The following ME3 variants were observed in gnomAD, a reference collection of about 807,000 sequenced individuals.
ME3 encodes the protein NADP-dependent malic enzyme, mitochondrial.
Under a neutral mutation model 68.9 loss-of-function variants are expected in ME3, and 48 were observed. The observed-to-expected ratio is 0.70, with a 90% CI of 0.55 to 0.89. ME3 has a LOEUF of 0.89. Among genes scored for constraint, ME3 ranks in the 40% least tolerant of loss-of-function variants. The pLI, the probability that ME3 is intolerant of heterozygous loss-of-function variation, is 0.00. For missense variants in ME3, 675 were observed against 797.4 expected (o/e 0.85, Z 1.85); for synonymous variants, 320 against 318.8 (o/e 1.00, Z -0.04).
chr11:86,475,348 C>T (rs973765052), intron 7 of ME3, among the ~76,000 whole-genome samples: 1 of 152,202 alleles, frequency 6.6e-6, no homozygotes, highest in Non-Finnish European at 1.5e-5. Flanking sequence ...TTGCCTTCTG[C>T]CATGATTGTA....
At chr11:86,456,642 C>T (rs757056491) in intron 8 of ME3, among the ~76,000 whole-genome samples, 6 of 152,016 alleles carry the variant, frequency 3.9e-5, no homozygotes, top group South Asian at 2.1e-4. Flanking sequence ...TGGGGAAGGA[C>T]GGAGCAGGGT....
intron 4 of ME3, among the ~76,000 whole-genome samples, chr11:86,526,641 C>A (rs982368067): frequency 6.6e-6 from 1 of 152,316 alleles, no homozygotes; most frequent in South Asian, 2.1e-4. Flanking sequence ...TGACACCTCA[C>A]ATGGCTGGGT....
At chr11:86,655,252 A>C (rs1433435197) in intron 2 of ME3, among the ~76,000 whole-genome samples, 1 of 152,162 alleles carries the variant, frequency 6.6e-6, no homozygotes, top group Non-Finnish European at 1.5e-5. Context: ...AACTACTTTA[A>C]AGTTCATATG....
intron 2 of ME3, among the ~76,000 whole-genome samples, chr11:86,564,604 A>G (rs1957392795): frequency 6.6e-6 from 1 of 152,204 alleles, no homozygotes; most frequent in South Asian, 2.1e-4. Context: ...AATGGGGGAA[A>G]GAATAGTCTC....
chr11:86,528,636 C>A (rs1294431253), intron 4 of ME3, among the ~76,000 whole-genome samples: 2 of 152,054 alleles, frequency 1.3e-5, no homozygotes, highest in African/African-American at 2.4e-5. Flanking sequence ...TGTAAAAGAA[C>A]AGAAATTATA....
intron 8 of ME3, 73 bp from the exon 9 acceptor site, chr11:86,450,471 T>A: frequency 7.8e-7 from 1 of 1,278,364 alleles, no homozygotes; most frequent in South Asian, 1.2e-5. Flanking sequence ...CTTGGCAGAG[T>A]TCCCCACATC....
chr11:86,546,190 A>G (rs929148458), intron 4 of ME3, among the ~76,000 whole-genome samples: 1 of 152,206 alleles, frequency 6.6e-6, no homozygotes, highest in African/African-American at 2.4e-5. Context: ...ACTTAAACGT[A>G]AGACCTAAAA....
At chr11:86,671,470 A>G (rs750882731) in intron 2 of ME3, among the ~76,000 whole-genome samples, 8 of 152,208 alleles carry the variant, frequency 5.3e-5, no homozygotes, top group Non-Finnish European at 1.0e-4. Flanking sequence ...AGTAAGCATC[A>G]AGGGGAGAGC....
At chr11:86,517,281 C>T (rs552823452) in intron 4 of ME3, among the ~76,000 whole-genome samples, 11 of 152,188 alleles carry the variant, frequency 7.2e-5, no homozygotes, top group African/African-American at 2.6e-4. Flanking sequence ...TTCTCTTTTT[C>T]TTTTTGCCAC....
intron 2 of ME3, among the ~76,000 whole-genome samples, chr11:86,562,253 T>C (rs1402767426): frequency 6.6e-6 from 1 of 152,212 alleles, no homozygotes; most frequent in Admixed American, 6.5e-5. Context: ...TTGAATAACA[T>C]TCCACTGTAC....
intron 4 of ME3, among the ~76,000 whole-genome samples, chr11:86,529,581 T>C (rs1308440903): frequency 6.6e-6 from 1 of 152,214 alleles, no homozygotes; most frequent in Non-Finnish European, 1.5e-5. Flanking sequence ...CCAATATCCC[T>C]GATGAACATC....
chr11:86,631,263 A>C (rs1375307371), intron 2 of ME3, among the ~76,000 whole-genome samples: 1 of 152,240 alleles, frequency 6.6e-6, no homozygotes. Flanking sequence ...TCTGAAGCCC[A>C]GTGGTCACAG....
At chr11:86,665,626 A>C (rs553662859) in intron 2 of ME3, among the ~76,000 whole-genome samples, 1 of 152,330 alleles carries the variant, frequency 6.6e-6, no homozygotes, top group Non-Finnish European at 1.5e-5. Context: ...TAGTTTTAAA[A>C]AAAAATCACC....
At chr11:86,520,018 A>G (rs1954158427) in intron 4 of ME3, among the ~76,000 whole-genome samples, 1 of 152,186 alleles carries the variant, frequency 6.6e-6, no homozygotes, top group South Asian at 2.1e-4. Flanking sequence ...CCTGAAGAAT[A>G]TTTTGATTAT....
chr11:86,464,455 A>G (rs1316339330), intron 8 of ME3, among the ~76,000 whole-genome samples: 1 of 152,138 alleles, frequency 6.6e-6, no homozygotes, highest in South Asian at 2.1e-4. Context: ...CTGAACTAGA[A>G]GCTGCTTCAT....
intron 2 of ME3, among the ~76,000 whole-genome samples, chr11:86,563,439 T>G (rs538680636): frequency 2.0e-5 from 3 of 152,328 alleles, no homozygotes; most frequent in African/African-American, 7.2e-5. Context: ...TTGAGCATTT[T>G]TTCATGTTTG....
At chr11:86,499,114 C>G (rs918622325) in intron 5 of ME3, among the ~76,000 whole-genome samples, 7 of 152,014 alleles carry the variant, frequency 4.6e-5, no homozygotes, top group Non-Finnish European at 1.0e-4. Context: ...CTACCTTGGA[C>G]AGGTGGAGAT....
intron 2 of ME3, among the ~76,000 whole-genome samples, chr11:86,648,188 T>A (rs117170498): frequency 0.018 from 2,805 of 152,242 alleles, 26 homozygotes; most frequent in Middle Eastern, 0.034. Flanking sequence ...AAGGCAGAAA[T>A]CAAGAAGTTC....
At chr11:86,532,330 A>G (rs1029422194) in intron 4 of ME3, among the ~76,000 whole-genome samples, 14 of 88,262 alleles carry the variant, frequency 1.6e-4, no homozygotes, top group South Asian at 3.1e-4. Flanking sequence ...CAGAAAATAA[A>G]TAACATTCGA....
Sources: gnomAD v4.1 joint callset for allele counts (sites outside exome capture counted in the v4.1 genomes callset) on GRCh38, gnomAD v4.1.1 for gene constraint, MANE v1.5 for transcripts, NCBI Gene and HGNC (gene_info 2026-07-23, HGNC 2026-07-21) for gene names.